The following TMEM131 variants were observed in gnomAD, a reference collection of about 807,000 sequenced individuals.
TMEM131 encodes the protein 2610524E03Rik.
A neutral mutation model predicts 211.6 loss-of-function variants in TMEM131; 66 were observed. The ratio of observed to expected loss-of-function variants is 0.31; its 90% CI spans 0.26 to 0.38. The LOEUF is 0.38. Among genes scored for constraint, TMEM131 ranks in the 10% least tolerant of loss-of-function variants. The probability of loss-of-function intolerance (pLI) is 1.00; values close to 1 mark genes in which losing one functional copy is unlikely to be tolerated. For synonymous variants in TMEM131, 844 were observed against 841.3 expected (o/e 1.00, Z -0.06); for missense variants, 2,036 against 2,299.3 (o/e 0.89, Z 2.34).
intron 39 of TMEM131, 107 bp from the exon 40 acceptor site, chr2:97,759,160 C>T (rs1460170931): frequency 7.2e-7 from 1 of 1,385,696 alleles, no homozygotes; most frequent in East Asian, 2.3e-5. Flanking sequence ...CTCCTGGAGC[C>T]ACCACACCCA....
At chr2:97,801,698 T>C (rs970843133) in intron 25 of TMEM131, among the ~76,000 whole-genome samples, 197 bp downstream of exon 25, 1 of 152,238 alleles carries the variant, frequency 6.6e-6, no homozygotes, top group African/African-American at 2.4e-5. Context: ...TTTTACTCAA[T>C]GTGCCTCACC....
At chr2:97,772,681 A>G (rs1679524485) in intron 32 of TMEM131, among the ~76,000 whole-genome samples, 1 of 152,244 alleles carries the variant, frequency 6.6e-6, no homozygotes, top group South Asian at 2.1e-4. Flanking sequence ...GGATTGCCTG[A>G]GCTCAGAAGT....
chr2:97,947,948 A>G (rs752799698), intron 1 of TMEM131, among the ~76,000 whole-genome samples: 1 of 152,222 alleles, frequency 6.6e-6, no homozygotes, highest in Non-Finnish European at 1.5e-5. Context: ...AATCTTTTCA[A>G]TAAGTCATGC....
intron 2 of TMEM131, among the ~76,000 whole-genome samples, chr2:97,908,930 C>A (rs977704524): frequency 6.6e-6 from 1 of 152,180 alleles, no homozygotes; most frequent in Non-Finnish European, 1.5e-5. Context: ...CAAACCGACA[C>A]ATCCTGAGAA....
At chr2:97,899,694 T>C (rs1410035489) in intron 3 of TMEM131, among the ~76,000 whole-genome samples, 11 of 152,174 alleles carry the variant, frequency 7.2e-5, no homozygotes, top group Non-Finnish European at 1.5e-4. Context: ...AATGTCAGCA[T>C]TTACTTTTGA....
chr2:97,971,426 C>T (rs10865055), intron 1 of TMEM131, among the ~76,000 whole-genome samples: 113,819 of 152,176 alleles, frequency 0.75, 44,217 homozygotes, highest in African/African-American at 0.87. Context: ...AAATATAAGA[C>T]AGTTGATACT....
chr2:97,836,968 G>A, intron 8 of TMEM131, 109 bp downstream of exon 8: 1 of 815,958 alleles, frequency 1.2e-6, no homozygotes, highest in Non-Finnish European at 2.0e-6. Flanking sequence ...AACGATTAAA[G>A]AGAAGTCATC....
intron 4 of TMEM131, among the ~76,000 whole-genome samples, chr2:97,873,596 C>T (rs894829632): frequency 6.6e-6 from 1 of 152,222 alleles, no homozygotes; most frequent in Non-Finnish European, 1.5e-5. Flanking sequence ...GCTGCTGATA[C>T]CAAGGCAAAC....
At chr2:97,823,096 T>C (rs1170936762) in intron 11 of TMEM131, among the ~76,000 whole-genome samples, 1 of 152,166 alleles carries the variant, frequency 6.6e-6, no homozygotes, top group Admixed American at 6.5e-5. Flanking sequence ...TCCACAACTA[T>C]GCAAAGCTTG....
chr2:97,780,130 G>A (rs1679929291), intron 31 of TMEM131, among the ~76,000 whole-genome samples: 1 of 152,090 alleles, frequency 6.6e-6, no homozygotes, highest in Admixed American at 6.5e-5. Context: ...GTTTATCAGA[G>A]ACCTGTGTTG....
intron 32 of TMEM131, 62 bp downstream of exon 32, chr2:97,775,781 T>G (rs1378760975): frequency 6.5e-7 from 1 of 1,534,906 alleles, no homozygotes; most frequent in African/African-American, 1.4e-5. Flanking sequence ...ATGGAAGGTC[T>G]TGTGAGCTGC....
intron 4 of TMEM131, among the ~76,000 whole-genome samples, chr2:97,873,247 A>C (rs561956734): frequency 6.6e-6 from 1 of 152,382 alleles, no homozygotes; most frequent in African/African-American, 2.4e-5. Flanking sequence ...CAGCAGCCCC[A>C]GTCAGGGACT....
chr2:97,865,951 C>T (rs977802957), intron 4 of TMEM131, among the ~76,000 whole-genome samples: 2 of 152,126 alleles, frequency 1.3e-5, no homozygotes, highest in African/African-American at 4.8e-5. Context: ...GGCACGATCT[C>T]GGCTCACTGC....
chr2:97,821,878 C>T (rs1053701600), intron 11 of TMEM131, among the ~76,000 whole-genome samples: 2 of 152,172 alleles, frequency 1.3e-5, no homozygotes, highest in Non-Finnish European at 2.9e-5. Context: ...TTGCCTGGAA[C>T]CATCTTCCAC....
chr2:97,780,067 A>C (rs946380110), intron 31 of TMEM131, among the ~76,000 whole-genome samples: 1 of 152,196 alleles, frequency 6.6e-6, no homozygotes. Context: ...ACAAAAAAAA[A>C]CAAAAACAAA....
At chr2:97,793,094 G>A in intron 30 of TMEM131, 110 bp from the exon 31 acceptor site, 5 of 806,426 alleles carry the variant, frequency 6.2e-6, no homozygotes, top group South Asian at 2.0e-5. Flanking sequence ...ACTACACTAG[G>A]GAAAAAATAG....
At chr2:97,942,353 C>A (rs2104496179) in intron 1 of TMEM131, among the ~76,000 whole-genome samples, 1 of 149,956 alleles carries the variant, frequency 6.7e-6, no homozygotes, top group African/African-American at 2.5e-5. Flanking sequence ...GGAGGGATAG[C>A]ATTAGGAGAA....
chr2:97,784,322 A>G (rs976177063), intron 31 of TMEM131, among the ~76,000 whole-genome samples: 1 of 152,150 alleles, frequency 6.6e-6, no homozygotes, highest in African/African-American at 2.4e-5. Context: ...ATACTGGGCC[A>G]TAAAACAAAC....
intron 1 of TMEM131, among the ~76,000 whole-genome samples, chr2:97,948,352 G>GA (rs1333913884): frequency 6.6e-6 from 1 of 151,628 alleles, no homozygotes; most frequent in East Asian, 1.9e-4. Context: ...AACTAAATAA[G>GA]AAAACAAACA....
Sources: allele counts gnomAD v4.1 joint callset (sites outside exome capture counted in the v4.1 genomes callset), GRCh38; gene constraint gnomAD v4.1.1; transcripts MANE v1.5; gene names NCBI Gene and HGNC (gene_info 2026-07-23, HGNC 2026-07-21).